PIP5K1B: variants seen among roughly 807,000 people sequenced by gnomAD.
PIP5K1B encodes phosphatidylinositol 4-phosphate 5-kinase type-1 beta.
In PIP5K1B, 42 loss-of-function variants were observed where a neutral mutation model predicts 67.0. The ratio of observed to expected loss-of-function variants is 0.63; its 90% CI spans 0.49 to 0.81. The LOEUF is 0.81. Ranked by LOEUF, PIP5K1B falls within the 30% of genes least tolerant of loss-of-function variation. PIP5K1B has a pLI of 0.00. For synonymous variants in PIP5K1B, 214 were observed against 231.4 expected, an observed-to-expected ratio of 0.92 and a Z score of 0.68; for missense variants, 459 against 646.3, an observed-to-expected ratio of 0.71 and a Z score of 3.14.
chr9:68,905,359 G>A (rs1181829274), intron 8 of PIP5K1B, among the ~76,000 whole-genome samples: 1 of 152,148 alleles, frequency 6.6e-6, no homozygotes, highest in African/African-American at 2.4e-5. Context: ...TGTGGATCTG[G>A]TTGTGGATTC....
intron 15 of PIP5K1B, among the ~76,000 whole-genome samples, chr9:69,007,822 A>T (rs1587799524): frequency 6.6e-6 from 1 of 151,706 alleles, no homozygotes; most frequent in African/African-American, 2.4e-5. Context: ...TTGCCACTGC[A>T]CTCCAGCCTG....
chr9:68,955,277 G>C (rs1828327098), intron 14 of PIP5K1B, among the ~76,000 whole-genome samples: 1 of 152,220 alleles, frequency 6.6e-6, no homozygotes, highest in Non-Finnish European at 1.5e-5. Flanking sequence ...TGACAATGTT[G>C]CTTCATAAAG....
chr9:68,757,155 T>A (rs1346810326), intron 2 of PIP5K1B, among the ~76,000 whole-genome samples: 2 of 152,216 alleles, frequency 1.3e-5, no homozygotes, highest in African/African-American at 2.4e-5. Flanking sequence ...TTAAAAACTT[T>A]AATTACCATT....
At position 68,888,973 on chromosome 9, in the gene PIP5K1B, C is replaced by T. The variant is rs764023529; in HGVS notation, c.319-8C>T. 32 of 1,590,404 alleles carry T rather than the reference C, an allele frequency of 2.0e-5. No homozygotes were observed. Among genetic ancestry groups the T allele is most frequent in the African/African-American group, 2.7e-5 (2 of 74,362 alleles). On this transcript the variant is annotated splice_region_variant and splice_polypyrimidine_tract_variant and intron_variant, in intron 6 of 15. Transcript: ENST00000265382. ...TATGTTTTAATGTTTATTCATTTAC[C>T]CTTTTAGTATTCCATCTGCAGTGAA...
intron 2 of PIP5K1B, among the ~76,000 whole-genome samples, chr9:68,814,655 A>C (rs1386024738): frequency 2.0e-5 from 3 of 148,096 alleles, no homozygotes; most frequent in Admixed American, 2.0e-4. Context: ...CCATCTCTAC[A>C]AAAAAATTTA....
intron 4 of PIP5K1B, chr9:68,824,074 A>G (rs756043481): frequency 9.6e-6 from 5 of 518,882 alleles, no homozygotes; most frequent in Admixed American, 1.9e-5. Flanking sequence ...AGAGGCAACA[A>G]TACACTATTA....
At chr9:68,941,511 A>G (rs949394611) in intron 14 of PIP5K1B, among the ~76,000 whole-genome samples, 4 of 152,230 alleles carry the variant, frequency 2.6e-5, no homozygotes, top group Admixed American at 2.6e-4. Context: ...TGGAAATTGT[A>G]TGCTCTCTAG....
At chr9:68,991,383 T>G in intron 15 of PIP5K1B, 126 bp downstream of exon 15, 1 of 621,298 alleles carries the variant, frequency 1.6e-6, no homozygotes. Context: ...GATGGCGCCC[T>G]TTCACTTCTG....
chr9:68,778,436 A>G (rs1379364967), intron 2 of PIP5K1B, among the ~76,000 whole-genome samples: 2 of 152,198 alleles, frequency 1.3e-5, no homozygotes, highest in Admixed American at 6.5e-5. Context: ...TAATACTACC[A>G]TCTCACCAGT....
At chr9:68,736,700 C>T (rs1828753887) in intron 1 of PIP5K1B, among the ~76,000 whole-genome samples, 1 of 152,222 alleles carries the variant, frequency 6.6e-6, no homozygotes, top group Admixed American at 6.5e-5. Flanking sequence ...CAAACCTCAC[C>T]TCTGCTTCAG....
intron 11 of PIP5K1B, among the ~76,000 whole-genome samples, chr9:68,920,784 T>TCTCTCTCTCACACATACACA (rs879785029): frequency 6.3e-5 from 9 of 142,132 alleles, no homozygotes; most frequent in African/African-American, 2.3e-4. Flanking sequence ...TCTCTCTCTC[T>TCTCTCTCTCACACATACACA]CACACACATA....
At chr9:68,726,517 C>T (rs548794587) in intron 1 of PIP5K1B, among the ~76,000 whole-genome samples, 4 of 152,198 alleles carry the variant, frequency 2.6e-5, no homozygotes, top group Admixed American at 2.0e-4. Context: ...ATACAGGTGC[C>T]GTTTCTCAGT....
chr9:68,841,878 G>C (rs1398793400), intron 4 of PIP5K1B, among the ~76,000 whole-genome samples: 1 of 152,208 alleles, frequency 6.6e-6, no homozygotes, highest in African/African-American at 2.4e-5. Flanking sequence ...TAGACTGTTA[G>C]AGTTGGAAGT....
At chr9:68,920,828 ACACG>A (rs1826356891) in intron 11 of PIP5K1B, among the ~76,000 whole-genome samples, 1 of 151,526 alleles carries the variant, frequency 6.6e-6, no homozygotes, top group Admixed American at 6.6e-5. Flanking sequence ...ACACACACAC[ACACG>A]CAGTCCCATC....
chr9:68,900,966 T>A (rs1825325247), intron 8 of PIP5K1B, among the ~76,000 whole-genome samples: 1 of 152,234 alleles, frequency 6.6e-6, no homozygotes, highest in African/African-American at 2.4e-5. Flanking sequence ...TATTTAACAT[T>A]ATGGCTATTG....
chr9:68,896,629 T>A (rs916516075), intron 8 of PIP5K1B, among the ~76,000 whole-genome samples: 1 of 152,206 alleles, frequency 6.6e-6, no homozygotes, highest in East Asian at 1.9e-4. Flanking sequence ...AATATGTACA[T>A]CTGCCTTCAG....
intron 2 of PIP5K1B, among the ~76,000 whole-genome samples, chr9:68,759,218 T>C (rs1251023670): frequency 6.6e-6 from 1 of 152,166 alleles, no homozygotes; most frequent in East Asian, 1.9e-4. Context: ...TTTAGTTCTC[T>C]AAAATATGCA....
chr9:68,789,022 C>T (rs1018384389), intron 2 of PIP5K1B: 11 of 401,136 alleles, frequency 2.7e-5, no homozygotes, highest in African/African-American at 1.5e-4. Flanking sequence ...GTCTGGCATT[C>T]CAATCAGCTT....
chr9:68,915,638 ACTC>A (rs1470224342), intron 8 of PIP5K1B, among the ~76,000 whole-genome samples: 9 of 150,844 alleles, frequency 6.0e-5, no homozygotes, highest in African/African-American at 2.2e-4. Flanking sequence ...ACTTGACATC[ACTC>A]CTCCTTCCAT....
Sources: gnomAD v4.1 joint callset for allele counts (sites outside exome capture counted in the v4.1 genomes callset) on GRCh38, gnomAD v4.1.1 for gene constraint, MANE v1.5 for transcripts, NCBI Gene and HGNC (gene_info 2026-07-23, HGNC 2026-07-21) for gene names.